Variants in CHIT1 observed in about 807,000 individuals in gnomAD.
The protein encoded by CHIT1 is chitotriosidase-1.
Under a neutral mutation model 52.0 loss-of-function variants are expected in CHIT1, and 47 were observed. The ratio of observed to expected loss-of-function variants is 0.90; its 90% CI spans 0.71 to 1.15. The LOEUF (loss-of-function observed/expected upper bound fraction) is 1.15, where lower values mean the gene tolerates loss of function less well. Among genes scored for constraint, CHIT1 ranks in the 50% most tolerant of loss-of-function variants. The pLI is 0.00. For synonymous variants in CHIT1, 242 were observed against 228.2 expected, an observed-to-expected ratio of 1.06 and a Z score of -0.54; for missense variants, 569 against 583.0, an observed-to-expected ratio of 0.98 and a Z score of 0.25.
In CHIT1 at chr1:203,216,225, T is replaced by A; in HGVS notation, c.*664A>T. 1 of 454,112 alleles carries A rather than the reference T, an allele frequency of 2.2e-6. No homozygotes were observed. Among genetic ancestry groups the A allele is most frequent in the South Asian group, 1.6e-5 (1 of 64,468 alleles). 28.1% of individuals were successfully genotyped at this position (454,112 alleles called of 1,614,324 possible). On this transcript the variant is annotated 3_prime_UTR_variant, in exon 11 of 11. Coordinates refer to ENST00000367229, the MANE Select transcript of CHIT1 (RefSeq NM_003465.3). ...GAGAATAATCATTGTTCCTTCTTCATCTGGTGAACGGGGGCAGTAGGTGAG... is the reference window on the plus strand; with the variant it reads ...GAGAATAATCATTGTTCCTTCTTCAACTGGTGAACGGGGGCAGTAGGTGAG...
chr1:203,228,759 C>A (rs1350015392), intron 1 of CHIT1, among the ~76,000 whole-genome samples, 197 bp from the exon 2 acceptor site: 4 of 152,130 alleles, frequency 2.6e-5, no homozygotes, highest in South Asian at 2.1e-4. Flanking sequence ...CTCTTCCTGG[C>A]CTGGGTTGGT....
Position 203,216,579 on chromosome 1 carries a change from C to T in CHIT1, c.*310G>A. On this transcript the variant is annotated 3_prime_UTR_variant, in exon 11 of 11. Transcript: ENST00000367229. ...GCCACAGGGCCTGGCACATCCTGCACGGACCACCTTCCCACCTGGCTCTGA... is the reference window on the plus strand; with the variant it reads ...GCCACAGGGCCTGGCACATCCTGCATGGACCACCTTCCCACCTGGCTCTGA... The T allele has an allele frequency of 2.1e-6, 1 of 487,636 alleles. No homozygotes were observed. The highest frequency in any genetic ancestry group is 4.0e-6 in the Non-Finnish European group (1 of 249,236). The allele number at this position is 487,636 out of a possible 1,614,324, so 30.2% of individuals were successfully genotyped here. A position where few individuals can be genotyped will look rare whatever the true frequency, so the allele number is the denominator to read the frequency against.
chr1:203,221,488 G>A (rs1306726509), intron 7 of CHIT1, among the ~76,000 whole-genome samples: 2 of 152,066 alleles, frequency 1.3e-5, no homozygotes, highest in African/African-American at 2.4e-5. Flanking sequence ...AAAAAAATTA[G>A]CTGGTCATAG....
intron 4 of CHIT1, 29 bp from the exon 5 acceptor site, chr1:203,223,689 C>T (rs761949893): frequency 1.3e-5 from 21 of 1,612,872 alleles, no homozygotes; most frequent in Admixed American, 6.7e-5. Context: ...GAGTAAGGGC[C>T]GGCCTTGGAC....
At chr1:203,219,114 TAAAGGAGACTC>T in intron 9 of CHIT1, 91 bp downstream of exon 9, 1 of 778,708 alleles carries the variant, frequency 1.3e-6, no homozygotes, top group East Asian at 2.4e-5. Context: ...TTGGGACATT[TAAAGGAGACTC>T]ACCCTTGAGG....
In CHIT1 at chr1:203,219,713, C is replaced by T. The variant is rs1406956301; in HGVS notation, c.866G>A (p.Gly289Asp). The T allele has an allele frequency of 6.2e-7, 1 of 1,614,124 alleles. No homozygotes were observed. Among genetic ancestry groups the T allele is most frequent in the Non-Finnish European group, 8.5e-7 (1 of 1,180,010 alleles). ...TTCCTTGGTGAAGGGGCCTGGAGTG[C>T]CAGACCCTGTGGCTGGGGCCCCCAC... The part of the protein sequence containing the change: ...TRVGAPATGS[G>D]TPGPFTKEGG... Residue 289 changes from glycine (G) to aspartate (D), a missense_variant, in exon 8 of 11, where the codon GGC (glycine) becomes GAC (aspartate). By Grantham distance (94) the Gly-to-Asp change is moderately conservative. Transcript: ENST00000367229.
At chr1:203,226,778 C>G (rs1339042675) in intron 2 of CHIT1, among the ~76,000 whole-genome samples, 1 of 151,884 alleles carries the variant, frequency 6.6e-6, no homozygotes, top group East Asian at 1.9e-4. Flanking sequence ...GAGGTCAGCC[C>G]TGTGCAGGGT....
At chr1:203,226,994 G>C (rs1053672702) in intron 2 of CHIT1, among the ~76,000 whole-genome samples, 5 of 152,168 alleles carry the variant, frequency 3.3e-5, no homozygotes, top group Non-Finnish European at 7.4e-5. Flanking sequence ...CAGTGAGTTT[G>C]GACTGGAGCG....
In CHIT1 at chr1:203,229,171, C is replaced by T. The variant is rs1010030873; in HGVS notation, c.25+441G>A. Among the ~76,000 whole-genome samples, 12 of 152,114 alleles carry T rather than the reference C, an allele frequency of 7.9e-5. No individual in the cohort carries two copies. In the East Asian group the frequency reaches 1.7e-3, roughly 22 times the overall value. On this transcript the variant is annotated intron_variant, in intron 1 of 10. Coordinates refer to ENST00000367229, the MANE Select transcript of CHIT1 (RefSeq NM_003465.3). ...CCTCCATGAAAATTTGCAAGGATGC[C>T]CAGGATCTTGGCCCCAGGCTGCCCT...
intron 8 of CHIT1, 104 bp downstream of exon 8, chr1:203,219,560 T>G (rs1656655773): frequency 1.5e-6 from 2 of 1,352,852 alleles, no homozygotes; most frequent in Non-Finnish European, 2.1e-6. Flanking sequence ...CAGAATTCTC[T>G]GCAATTGGCA....
chr1:203,221,453 G>A (rs189826777), intron 7 of CHIT1, among the ~76,000 whole-genome samples: 2 of 152,134 alleles, frequency 1.3e-5, no homozygotes, highest in Admixed American at 6.5e-5. Context: ...GGGCAATATA[G>A]CAAGACTCCA....
chr1:203,218,062 G>T, intron 9 of CHIT1, 197 bp from the exon 10 acceptor site: 1 of 1,524,548 alleles, frequency 6.6e-7, no homozygotes, highest in Non-Finnish European at 8.8e-7. Flanking sequence ...CAGTCATTTT[G>T]CAGTCTCCTT....
rs935722100 is a variant in CHIT1 at position 203,216,298 on chromosome 1, A to G, written c.*591T>C. Reference sequence around the variant, plus strand: ...ACAGGATTTATCTCGAAGACCCCTGAGTACCAGGGGTCTGAATTCTTAGTG... The same window carrying G: ...ACAGGATTTATCTCGAAGACCCCTGGGTACCAGGGGTCTGAATTCTTAGTG... On this transcript the variant is annotated 3_prime_UTR_variant, in exon 11 of 11. Transcript: ENST00000367229. 3.3e-5 allele frequency: 15 copies of G among 453,994 alleles called. No homozygotes were observed. The highest frequency in any genetic ancestry group is 6.2e-5 in the Non-Finnish European group (14 of 226,796). 28.1% of individuals were successfully genotyped at this position (453,994 alleles called of 1,614,324 possible).
At position 203,217,871 on chromosome 1, in the gene CHIT1, C is replaced by T. The variant is rs764818130; in HGVS notation, c.1030-6G>A. ...TTCTGCTTCAGATAGCTGACCTGTG[C>T]AGGGAGGGGATGCAGTGGAGGAGCC... On this transcript the variant is annotated splice_region_variant and splice_polypyrimidine_tract_variant and intron_variant, in intron 9 of 10. Coordinates refer to ENST00000367229, the MANE Select transcript of CHIT1 (RefSeq NM_003465.3). 7.9e-7 allele frequency: 1 copy of T among 1,269,870 alleles called. No homozygotes were observed. The highest frequency in any genetic ancestry group is 1.7e-5 in the South Asian group (1 of 57,218). 78.7% of individuals were successfully genotyped at this position (1,269,870 alleles called of 1,614,324 possible).
At chr1:203,227,714 C>T (rs56035601) in intron 2 of CHIT1, among the ~76,000 whole-genome samples, 15,305 of 152,210 alleles carry the variant, frequency 0.1, 847 homozygotes, top group Admixed American at 0.13. Context: ...CACACAAAGT[C>T]CTACTATTAT....
intron 10 of CHIT1, 150 bp downstream of exon 10, chr1:203,217,589 T>C: frequency 7.5e-7 from 1 of 1,332,296 alleles, no homozygotes; most frequent in South Asian, 1.3e-5. Flanking sequence ...TTTCCTTAGC[T>C]CCTGCGGGTA....
chr1:203,227,873 C>A (rs1656982568), intron 2 of CHIT1, among the ~76,000 whole-genome samples: 1 of 152,208 alleles, frequency 6.6e-6, no homozygotes. Flanking sequence ...AATGCTACAG[C>A]CCAGCGTGAG....
At chr1:203,223,410 G>C in intron 5 of CHIT1, 85 bp downstream of exon 5, 1 of 1,597,252 alleles carries the variant, frequency 6.3e-7, no homozygotes, top group East Asian at 2.2e-5. Context: ...TGGCTCTGGG[G>C]GCAGAGCAGC....
chr1:203,228,768 G>T (rs1313908473), intron 1 of CHIT1, among the ~76,000 whole-genome samples: 4 of 152,132 alleles, frequency 2.6e-5, no homozygotes, highest in Non-Finnish European at 4.4e-5. Context: ...GCCTGGGTTG[G>T]TCCTAGAAGC....
Sources: allele counts gnomAD v4.1 joint callset (sites outside exome capture counted in the v4.1 genomes callset), GRCh38; gene constraint gnomAD v4.1.1; transcripts MANE v1.5; gene names NCBI Gene and HGNC (gene_info 2026-07-23, HGNC 2026-07-21).